The following PACRG variants were observed in gnomAD, a reference collection of about 807,000 sequenced individuals.
PACRG encodes the protein parkin coregulated gene protein.
PACRG carries 29 observed loss-of-function variants against 29.7 expected under a neutral mutation model. The ratio of observed to expected loss-of-function variants is 0.98; its 90% confidence interval spans 0.73 to 1.33. The LOEUF is 1.33. PACRG is among the 40% of genes most tolerant of loss of function. PACRG has a pLI of 0.00. For missense variants in PACRG, 279 were observed against 316.2 expected (o/e 0.88, Z 0.89); for synonymous variants, 116 against 118.7 (o/e 0.98, Z 0.15).
chr6:162,727,594 C>T (rs1278412153), upstream of PACRG: 2 of 1,503,650 alleles, frequency 1.3e-6, no homozygotes, highest in South Asian at 1.2e-5. Flanking sequence ...TCGGCCGAGG[C>T]GGGGCGTGGC....
chr6:162,969,824 T>C (rs1801375804), intron 2 of PACRG, among the ~76,000 whole-genome samples: 1 of 152,334 alleles, frequency 6.6e-6, no homozygotes, highest in Admixed American at 6.5e-5. Context: ...CTCTCAGTTG[T>C]AATTTATTAT....
intron 4 of PACRG, among the ~76,000 whole-genome samples, chr6:163,244,441 G>A (rs1234122611): frequency 6.6e-6 from 1 of 152,132 alleles, no homozygotes; most frequent in Non-Finnish European, 1.5e-5. Context: ...GCCGTGCCTT[G>A]CAATTGCACA....
At chr6:163,222,314 G>A (rs887166810) in intron 4 of PACRG, among the ~76,000 whole-genome samples, 4 of 152,176 alleles carry the variant, frequency 2.6e-5, no homozygotes, top group African/African-American at 9.7e-5. Context: ...CATGAGATGG[G>A]AGCTTGCATC....
At chr6:162,969,238 G>A (rs1160695111) in intron 2 of PACRG, among the ~76,000 whole-genome samples, 4 of 151,974 alleles carry the variant, frequency 2.6e-5, no homozygotes, top group African/African-American at 4.8e-5. Flanking sequence ...TTACTGCTCA[G>A]GTTCAAGACA....
intron 2 of PACRG, among the ~76,000 whole-genome samples, chr6:162,924,817 A>C (rs1797313678): frequency 6.6e-6 from 1 of 152,192 alleles, no homozygotes; most frequent in African/African-American, 2.4e-5. Flanking sequence ...CTAAGATCAC[A>C]GTGGAACTGA....
At chr6:162,897,471 C>T (rs1159114811) in intron 2 of PACRG, among the ~76,000 whole-genome samples, 2 of 152,178 alleles carry the variant, frequency 1.3e-5, no homozygotes, top group African/African-American at 4.8e-5. Flanking sequence ...GTAATGCGAT[C>T]CCAGCTGGTA....
At chr6:163,312,934 T>C (rs1463784503) in intron 4 of PACRG, 1 of 275,624 alleles carries the variant, frequency 3.6e-6, no homozygotes, top group Non-Finnish European at 7.2e-6. Context: ...TTAATTTCTT[T>C]TATAGAGATG....
At chr6:163,289,945 T>C (rs1784530599) in intron 4 of PACRG, among the ~76,000 whole-genome samples, 1 of 152,182 alleles carries the variant, frequency 6.6e-6, no homozygotes, top group African/African-American at 2.4e-5. Context: ...CCTCCCAGGT[T>C]CAAGTGATTC....
intron 1 of PACRG, among the ~76,000 whole-genome samples, chr6:162,773,542 C>T (rs1468663321): frequency 9.2e-6 from 1 of 108,112 alleles, no homozygotes; most frequent in Non-Finnish European, 1.7e-5. Flanking sequence ...GAGTCTCGCT[C>T]TGTCGCCCAG....
chr6:163,312,784 T>TA (rs1449119598), intron 4 of PACRG: 1 of 441,116 alleles, frequency 2.3e-6, no homozygotes, highest in African/African-American at 2.0e-5. Context: ...GACAGGGTCT[T>TA]ACTCTTTGCC....
chr6:163,159,939 C>T (rs991134194), intron 4 of PACRG, among the ~76,000 whole-genome samples: 7 of 152,198 alleles, frequency 4.6e-5, no homozygotes, highest in African/African-American at 1.4e-4. Flanking sequence ...ACAACCCACG[C>T]TCAGCCCCAC....
intron 2 of PACRG, chr6:163,046,817 A>G (rs2128242828): frequency 6.6e-6 from 1 of 152,330 alleles, no homozygotes; most frequent in South Asian, 2.1e-4. Flanking sequence ...TTCAGTATAT[A>G]TATTTTTTGC....
intron 2 of PACRG, among the ~76,000 whole-genome samples, chr6:162,861,358 C>A (rs1315042610): frequency 1.3e-5 from 2 of 151,910 alleles, no homozygotes; most frequent in Non-Finnish European, 2.9e-5. Context: ...TTTAAGATTG[C>A]CAATTTTCTA....
intron 2 of PACRG, among the ~76,000 whole-genome samples, chr6:163,012,906 C>A (rs993313248): frequency 2.0e-5 from 3 of 152,146 alleles, no homozygotes; most frequent in Admixed American, 2.0e-4. Flanking sequence ...CTGTGTAACT[C>A]TCTATAGCTG....
intron 1 of PACRG, among the ~76,000 whole-genome samples, chr6:162,750,335 A>T (rs1781424396): frequency 6.6e-6 from 1 of 152,178 alleles, no homozygotes; most frequent in African/African-American, 2.4e-5. Flanking sequence ...TGAACCAATA[A>T]AAGTTTTTAT....
At chr6:163,150,813 C>T (rs1778053138) in intron 4 of PACRG, among the ~76,000 whole-genome samples, 1 of 152,110 alleles carries the variant, frequency 6.6e-6, no homozygotes, top group South Asian at 2.1e-4. Context: ...CAGTAGGTGG[C>T]AAAGAAATAC....
At position 162,855,587 on chromosome 6, in the gene PACRG, G is replaced by T. The variant is rs76461699; in HGVS notation, c.291+41306G>T. On this transcript the variant is annotated intron_variant, in intron 2 of 4. Transcript: ENST00000366888. Reference sequence around the variant, plus strand: ...TCAAAATAAAATAATCCCAAAATATGGTACGAGACAACAGAGAGATCAGAG... The same window carrying T: ...TCAAAATAAAATAATCCCAAAATATTGTACGAGACAACAGAGAGATCAGAG... 3.1e-3 allele frequency among the ~76,000 whole-genome samples: 474 copies of T among 152,218 alleles called. 3 individuals carry two copies. The highest frequency in any genetic ancestry group is 0.011 in the African/African-American group (454 of 41,528).
chr6:162,862,130 C>T (rs578143951), intron 2 of PACRG, among the ~76,000 whole-genome samples: 4 of 152,282 alleles, frequency 2.6e-5, no homozygotes, highest in South Asian at 4.1e-4. Context: ...CACGGGAACT[C>T]AGAGGACTGA....
intron 2 of PACRG, among the ~76,000 whole-genome samples, chr6:162,887,554 C>T (rs1237088058): frequency 1.3e-5 from 2 of 152,136 alleles, no homozygotes; most frequent in Admixed American, 6.5e-5. Flanking sequence ...TATGTGGACA[C>T]GTTCTTGTAA....
Sources: gnomAD v4.1 joint callset for allele counts (sites outside exome capture counted in the v4.1 genomes callset) on GRCh38, gnomAD v4.1.1 for gene constraint, MANE v1.5 for transcripts, NCBI Gene and HGNC (gene_info 2026-07-23, HGNC 2026-07-21) for gene names.